CD109: variants seen among roughly 807,000 people sequenced by gnomAD.
CD109 encodes the protein CD109 antigen.
A neutral mutation model predicts 165.8 loss-of-function variants in CD109; 149 were observed. The ratio of observed to expected loss-of-function variants is 0.90; its 90% CI spans 0.79 to 1.03. CD109 has a LOEUF of 1.03. CD109 is among the 50% of genes least tolerant of loss of function. The pLI, the probability that CD109 is intolerant of heterozygous loss-of-function variation, is 0.00. For synonymous variants in CD109, 585 were observed against 592.1 expected (o/e 0.99, Z 0.18); for missense variants, 1,712 against 1,677.8 (o/e 1.02, Z -0.36).
intron 15 of CD109, among the ~76,000 whole-genome samples, chr6:73,777,523 T>C (rs1052764260): frequency 1.3e-5 from 2 of 152,230 alleles, no homozygotes; most frequent in African/African-American, 4.8e-5. Flanking sequence ...CTAGGTTGTC[T>C]TCCAGGGTTT....
In CD109 at chr6:73,759,021, A is replaced by G; in HGVS notation, c.751A>G (p.Thr251Ala). ...TTCTAAGCATTTAAATGGTACCATC[A>G]CGGCAAAGTAAGTGTCATTTTTCTT... ...MNSKHLNGTI[T>A]AKYTYGKPVK... The change falls in exon 7 of 33, where the codon ACG becomes GCG. Residue 251 changes from threonine (T) to alanine (A), a missense_variant. Coordinates refer to ENST00000287097, the MANE Select transcript of CD109 (RefSeq NM_133493.5). The G allele has an allele frequency of 1.3e-6, 2 of 1,586,400 alleles. No homozygotes were observed. The highest frequency in any genetic ancestry group is 8.7e-7 in the Non-Finnish European group (1 of 1,155,860).
At chr6:73,748,026 T>C (rs1039797880) in intron 5 of CD109, among the ~76,000 whole-genome samples, 1 of 151,950 alleles carries the variant, frequency 6.6e-6, no homozygotes, top group Non-Finnish European at 1.5e-5. Flanking sequence ...TGTGCCACCA[T>C]GCCCGGCTAA....
chr6:73,771,516 G>C lies in CD109; in HGVS notation c.1762G>C (p.Gly588Arg). 5 of 1,610,328 alleles carry C rather than the reference G, an allele frequency of 3.1e-6. No homozygotes were observed. The South Asian group carries it at 5.5e-5, about 18-fold the overall frequency. ...ISVTQPDSIV[G>R]IVAVDKSVNL... The stretch of plus-strand genomic sequence containing the variant: ...TGTGACACAGCCTGACTCCATAGTT[G>C]GGATTGTAGCTGTTGACAAAAGTGT... Residue 588 changes from glycine (G) to arginine (R), a missense_variant, in exon 15 of 33, where the codon GGG becomes CGG. Gly to Arg is a moderately radical substitution (Grantham distance 125). Coordinates refer to ENST00000287097, the MANE Select transcript of CD109 (RefSeq NM_133493.5).
chr6:73,803,588 T>C (rs1410457811), intron 24 of CD109, among the ~76,000 whole-genome samples: 1 of 151,930 alleles, frequency 6.6e-6, no homozygotes, highest in East Asian at 1.9e-4. Context: ...GTGCAGCTGA[T>C]AAAATCAGTT....
Position 73,748,876 on chromosome 6 carries a change from C to T in CD109, c.634-7767C>T, listed in dbSNP as rs1052036483. Among the ~76,000 whole-genome samples, 13 of 152,268 alleles carry T rather than the reference C, an allele frequency of 8.5e-5. No individual in the cohort carries two copies. The East Asian group carries it at 2.5e-3, about 29-fold the overall frequency. ...TGCAAACCCTATTGACTCTGTCATTCCTCTAAGTAGGACAGTGTACATCAG... is the reference window on the plus strand; with the variant it reads ...TGCAAACCCTATTGACTCTGTCATTTCTCTAAGTAGGACAGTGTACATCAG... On this transcript the variant is annotated intron_variant, in intron 5 of 32. Coordinates refer to ENST00000287097, the MANE Select transcript of CD109 (RefSeq NM_133493.5).
intron 5 of CD109, among the ~76,000 whole-genome samples, chr6:73,745,730 T>A (rs921551164): frequency 2.0e-5 from 3 of 152,060 alleles, no homozygotes; most frequent in Admixed American, 6.6e-5. Context: ...AAGATTAATT[T>A]TTTGTTGTTT....
At position 73,803,279 on chromosome 6, in the gene CD109, T is replaced by G. The variant is rs900777519; in HGVS notation, c.2938T>G (p.Tyr980Asp). Residue 980 changes from tyrosine (Y) to aspartate (D), a missense_variant, in exon 24 of 33, where the codon TAT becomes GAT. By Grantham distance (160) the Tyr-to-Asp change is radical. Coordinates refer to ENST00000287097, the MANE Select transcript of CD109 (RefSeq NM_133493.5). ...TGGCTCTTTCAGTGCTTTTGGGAAT[T>G]ATGACCCTTCTGGGAGCACTTGGTA... ...EDGSFSAFGN[Y>D]DPSGSTWLSA... 4 of 1,611,396 alleles carry G rather than the reference T, an allele frequency of 2.5e-6. 1 individual carries two copies. The highest frequency in any genetic ancestry group is 3.3e-4 in the Middle Eastern group (2 of 6,052).
intron 15 of CD109, among the ~76,000 whole-genome samples, chr6:73,777,119 T>TG (rs34362075): frequency 0.6 from 88,623 of 148,222 alleles, 27,516 homozygotes; most frequent in East Asian, 0.85. Flanking sequence ...CCACCATGCT[T>TG]GCTAATTTTG....
chr6:73,785,793 C>T (rs1288185010), intron 20 of CD109, among the ~76,000 whole-genome samples: 1 of 151,812 alleles, frequency 6.6e-6, no homozygotes, highest in Non-Finnish European at 1.5e-5. Context: ...GTTTTCCCCA[C>T]ATCTAGAATG....
intron 11 of CD109, among the ~76,000 whole-genome samples, 167 bp downstream of exon 11, chr6:73,766,321 A>C (rs1274153949): frequency 6.6e-6 from 1 of 152,130 alleles, no homozygotes. Flanking sequence ...ACAGTGGCTG[A>C]AGGTTAGACT....
chr6:73,740,644 A>G (rs1337369868), intron 5 of CD109, among the ~76,000 whole-genome samples: 3 of 138,030 alleles, frequency 2.2e-5, no homozygotes, highest in African/African-American at 8.2e-5. Context: ...TCTTTTGCCC[A>G]GGCCGTGGTG....
chr6:73,815,226 C>T, intron 30 of CD109, 103 bp downstream of exon 30: 4 of 945,330 alleles, frequency 4.2e-6, no homozygotes. Flanking sequence ...TTATATTGAA[C>T]AAAGAATTCA....
At chr6:73,752,132 T>G (rs1052706986) in intron 5 of CD109, among the ~76,000 whole-genome samples, 1 of 152,198 alleles carries the variant, frequency 6.6e-6, no homozygotes, top group Non-Finnish European at 1.5e-5. Flanking sequence ...AAGAACATAA[T>G]GAACAAACAG....
At chr6:73,714,647 A>C (rs1771657925) in intron 2 of CD109, among the ~76,000 whole-genome samples, 1 of 152,222 alleles carries the variant, frequency 6.6e-6, no homozygotes, top group South Asian at 2.1e-4. Context: ...TAGTGTGAAG[A>C]ATTGACATGA....
At chr6:73,783,892 ATT>A (rs11301365) in intron 19 of CD109, 68 bp downstream of exon 19, 110 of 742,832 alleles carry the variant, frequency 1.5e-4, no homozygotes, top group Middle Eastern at 2.4e-4. Context: ...CAGCTCCTCA[ATT>A]TTTTTTTTAA....
chr6:73,753,682 T>C (rs1258743637), intron 5 of CD109, among the ~76,000 whole-genome samples: 1 of 152,238 alleles, frequency 6.6e-6, no homozygotes, highest in Non-Finnish European at 1.5e-5. Flanking sequence ...TCTTCATTTT[T>C]CTATGATGGC....
rs1409687857 is a variant in CD109 at position 73,780,485 on chromosome 6, TTGC to T, written c.1890_1892del (p.Phe630_Ala631delinsLeu). On this transcript the variant is annotated inframe_deletion, in exon 16 of 33. Transcript: ENST00000287097. ...TATTTAGGCATGTTCATGAATTCTT[TTGC>T]AGTCTTTCAGGTATGTTTTGCTTGC... 2 of 1,606,948 alleles carry T rather than the reference TTGC, an allele frequency of 1.2e-6. No homozygotes were observed. The highest frequency in any genetic ancestry group is 2.2e-5 in the South Asian group (2 of 90,844).
At chr6:73,705,941 T>G (rs547013568) in intron 2 of CD109, among the ~76,000 whole-genome samples, 1 of 152,098 alleles carries the variant, frequency 6.6e-6, no homozygotes, top group Admixed American at 6.6e-5. Flanking sequence ...GGACGGTCTC[T>G]CAAAAGGCAC....
chr6:73,784,755 A>G (rs1224544440), intron 19 of CD109, among the ~76,000 whole-genome samples: 1 of 152,232 alleles, frequency 6.6e-6, no homozygotes, highest in Non-Finnish European at 1.5e-5. Flanking sequence ...ACATGTATTC[A>G]GATGTCCCAC....
Sources: gnomAD v4.1 joint callset for allele counts (sites outside exome capture counted in the v4.1 genomes callset) on GRCh38, gnomAD v4.1.1 for gene constraint, MANE v1.5 for transcripts, NCBI Gene and HGNC (gene_info 2026-07-23, HGNC 2026-07-21) for gene names.